Variants in PI4KA observed in about 807,000 individuals in gnomAD.
The protein encoded by PI4KA is PI4-kinase alpha.
PI4KA carries 122 observed loss-of-function variants against 271.4 expected under a neutral mutation model. That is an observed-to-expected ratio of 0.45 (90% CI 0.39 to 0.52). The LOEUF is 0.52. PI4KA is among the 20% of genes least tolerant of loss of function. The probability of loss-of-function intolerance (pLI) is 0.00; values close to 1 mark genes in which losing one functional copy is unlikely to be tolerated. For synonymous variants in PI4KA, 1,041 were observed against 1,078.8 expected (o/e 0.96, Z 0.69); for missense variants, 1,969 against 2,769.1 (o/e 0.71, Z 6.48).
chr22:20,790,819 AT>A (rs1414654582), intron 19 of PI4KA, among the ~76,000 whole-genome samples: 2 of 152,016 alleles, frequency 1.3e-5, no homozygotes, highest in Non-Finnish European at 2.9e-5. Flanking sequence ...GCAAGGACCC[AT>A]GATCTCTGTG....
In PI4KA at chr22:20,796,692, A is replaced by G. The variant is rs185607711; in HGVS notation, c.2109-378T>C. 2.4e-4 allele frequency among the ~76,000 whole-genome samples: 36 copies of G among 152,304 alleles called. 1 individual carries two copies. Among genetic ancestry groups the G allele is most frequent in the Admixed American group, 2.4e-3 (36 of 15,300 alleles). On this transcript the variant is annotated intron_variant, in intron 17 of 54. Coordinates refer to ENST00000255882, the MANE Select transcript of PI4KA (RefSeq NM_058004.4). ...CCAGGTTGGATCTTGCTTCCCCCCT[A>G]CAAATCACAAAGAGCCTTAAAGCAT...
chr22:20,789,633 A>G (rs1934504519), intron 19 of PI4KA, among the ~76,000 whole-genome samples: 1 of 152,084 alleles, frequency 6.6e-6, no homozygotes, highest in Non-Finnish European at 1.5e-5. Context: ...CCTGGTCTGG[A>G]AAGCATTTAG....
chr22:20,722,469 G>T (rs1425480008), intron 42 of PI4KA, among the ~76,000 whole-genome samples: 5 of 152,104 alleles, frequency 3.3e-5, no homozygotes, highest in Admixed American at 2.6e-4. Context: ...TTACAGTTAT[G>T]AGCCACCGCA....
At chr22:20,780,667 T>C (rs1373165889) in intron 19 of PI4KA, among the ~76,000 whole-genome samples, 2 of 150,702 alleles carry the variant, frequency 1.3e-5, no homozygotes, top group Non-Finnish European at 3.0e-5. Context: ...TCCCAGCTAC[T>C]TGGGAGGCTG....
intron 19 of PI4KA, among the ~76,000 whole-genome samples, chr22:20,781,314 G>A (rs957875133): frequency 6.6e-6 from 1 of 152,204 alleles, no homozygotes. Context: ...GGGGAAACAC[G>A]AGGAATGGTT....
At chr22:20,771,381 C>T (rs1044358353) in intron 19 of PI4KA, among the ~76,000 whole-genome samples, 4 of 150,688 alleles carry the variant, frequency 2.7e-5, no homozygotes, top group African/African-American at 9.8e-5. Context: ...TGAGATTGCG[C>T]CACTGCACTC....
chr22:20,835,028 T>G (rs377593014), intron 2 of PI4KA, among the ~76,000 whole-genome samples: 130 of 152,314 alleles, frequency 8.5e-4, no homozygotes, highest in African/African-American at 2.8e-3. Context: ...AACCCATCCA[T>G]GAGCCCCAGA....
At position 20,810,920 on chromosome 22, in the gene PI4KA, G is replaced by A. The variant is rs775124084; in HGVS notation, c.1071+47C>T. On this transcript the variant is annotated intron_variant, in intron 9 of 54. Transcript: ENST00000255882. ...AACTCTTCCTGCTTTCTCTACACAC[G>A]TTTAAGTCAGGCTGATCTCATGGTA... The A allele has an allele frequency of 4.9e-5, 68 of 1,401,238 alleles. 2 individuals are homozygous for A. The South Asian group carries it at 7.4e-4, about 15-fold the overall frequency. 86.8% of individuals were successfully genotyped at this position (1,401,238 alleles called of 1,614,324 possible).
intron 19 of PI4KA, chr22:20,787,069 G>A: frequency 6.2e-7 from 1 of 1,613,442 alleles, no homozygotes; most frequent in Non-Finnish European, 8.5e-7. Flanking sequence ...GGTCCTAGAG[G>A]TGGAGGTCTA....
At chr22:20,788,179 A>T (rs1057106500) in intron 19 of PI4KA, among the ~76,000 whole-genome samples, 1 of 152,080 alleles carries the variant, frequency 6.6e-6, no homozygotes, top group African/African-American at 2.4e-5. Context: ...TCTAACTGTA[A>T]CCCCCACAGC....
intron 4 of PI4KA, 58 bp from the exon 5 acceptor site, chr22:20,820,669 C>A: frequency 8.3e-7 from 1 of 1,200,404 alleles, no homozygotes. Flanking sequence ...GTAAATATCA[C>A]GAAACTAAGT....
chr22:20,833,531 T>G (rs1186980074), intron 3 of PI4KA, among the ~76,000 whole-genome samples: 4 of 152,130 alleles, frequency 2.6e-5, no homozygotes, highest in African/African-American at 9.7e-5. Context: ...TTAGAGCTGG[T>G]GACCTCTGTG....
intron 23 of PI4KA, among the ~76,000 whole-genome samples, chr22:20,753,932 C>T (rs1471710415): frequency 1.3e-5 from 2 of 152,286 alleles, no homozygotes; most frequent in East Asian, 1.9e-4. Context: ...GTGATCCGCC[C>T]GCCTCGGCCT....
At chr22:20,807,203 C>CT (rs1935708761) in intron 10 of PI4KA, among the ~76,000 whole-genome samples, 159 bp downstream of exon 10, 1 of 152,146 alleles carries the variant, frequency 6.6e-6, no homozygotes, top group Non-Finnish European at 1.5e-5. Context: ...TTTAAATTTG[C>CT]TTTTTTCCCA....
chr22:20,769,802 T>C (rs184336862), intron 19 of PI4KA, among the ~76,000 whole-genome samples: 3 of 152,144 alleles, frequency 2.0e-5, no homozygotes, highest in Admixed American at 2.0e-4. Flanking sequence ...ATAAAATACA[T>C]GTTTGAAGTC....
chr22:20,714,196 C>T (rs1211338900), intron 47 of PI4KA, among the ~76,000 whole-genome samples: 10 of 151,790 alleles, frequency 6.6e-5, no homozygotes, highest in Non-Finnish European at 7.4e-5. Context: ...CCCAACAGCC[C>T]CGGGCCCCTC....
At chr22:20,744,595 A>G in intron 30 of PI4KA, 33 bp downstream of exon 30, 2 of 1,525,904 alleles carry the variant, frequency 1.3e-6, no homozygotes, top group Non-Finnish European at 1.8e-6. Flanking sequence ...AGGACACGTT[A>G]AAGGCCCTAG....
intron 47 of PI4KA, 38 bp downstream of exon 47, chr22:20,714,420 C>T (rs1044119822): frequency 6.4e-7 from 1 of 1,569,078 alleles, no homozygotes; most frequent in African/African-American, 1.4e-5. Flanking sequence ...CAAGGAAAAG[C>T]ACTGAGCTCC....
At chr22:20,769,583 C>T (rs777131378) in intron 19 of PI4KA, among the ~76,000 whole-genome samples, 15 of 151,670 alleles carry the variant, frequency 9.9e-5, no homozygotes, top group African/African-American at 3.1e-4. Flanking sequence ...GCAGGAGAAT[C>T]GCTTGAAACC....
Sources: gnomAD v4.1 joint callset for allele counts (sites outside exome capture counted in the v4.1 genomes callset) on GRCh38, gnomAD v4.1.1 for gene constraint, MANE v1.5 for transcripts, NCBI Gene and HGNC (gene_info 2026-07-23, HGNC 2026-07-21) for gene names.